MIA3: variants seen among roughly 807,000 people sequenced by gnomAD.
The protein encoded by MIA3 is transport and Golgi organization protein 1 homolog.
MIA3 carries 90 observed loss-of-function variants against 192.4 expected under a neutral mutation model. The ratio of observed to expected loss-of-function variants is 0.47; its 90% CI spans 0.39 to 0.56. The LOEUF (loss-of-function observed/expected upper bound fraction) is 0.56, where lower values mean the gene tolerates loss of function less well. Ranked by LOEUF, MIA3 falls within the 20% of genes least tolerant of loss-of-function variation. The probability of loss-of-function intolerance (pLI) is 0.00; values close to 1 mark genes in which losing one functional copy is unlikely to be tolerated. For synonymous variants in MIA3, 740 were observed against 792.8 expected (o/e 0.93, Z 1.12); for missense variants, 2,123 against 2,269.4 (o/e 0.94, Z 1.31).
intron 6 of MIA3, among the ~76,000 whole-genome samples, chr1:222,645,036 G>A (rs1029256723): frequency 6.6e-6 from 1 of 152,172 alleles, no homozygotes; most frequent in Non-Finnish European, 1.5e-5. Flanking sequence ...GTTATCAGGA[G>A]CTATCCGAAC....
intron 7 of MIA3, among the ~76,000 whole-genome samples, chr1:222,647,689 T>C (rs539391955): frequency 9.9e-5 from 15 of 152,142 alleles, no homozygotes; most frequent in Non-Finnish European, 2.1e-4. Context: ...TTTCAGAAAG[T>C]TATATAGGCT....
At position 222,654,658 on chromosome 1, in the gene MIA3, A is replaced by G. The variant is rs747125718; in HGVS notation, c.4472A>G (p.Gln1491Arg). The G allele has an allele frequency of 8.7e-6, 14 of 1,613,840 alleles. No individual in the cohort carries two copies. In the East Asian group the frequency reaches 2.7e-4, roughly 31 times the overall value. ...SVSTKCNLEDQVKKLEDDRNS... is the reference protein window; with the variant it reads ...SVSTKCNLEDRVKKLEDDRNS... ...TCAAATGTTTTATCCTTTACAGACCAGGTAAAGAAATTGGAAGATGACCGC... is the reference window on the plus strand; with the variant it reads ...TCAAATGTTTTATCCTTTACAGACCGGGTAAAGAAATTGGAAGATGACCGC... Residue 1491 changes from glutamine to arginine, a missense_variant, in exon 18 of 28, where the codon CAG becomes CGG. Physicochemically the swap from Gln to Arg is conservative, Grantham distance 43. Coordinates refer to ENST00000344922, the MANE Select transcript of MIA3 (RefSeq NM_198551.4).
chr1:222,653,002 T>A lies in MIA3; in HGVS notation c.4087-6T>A, dbSNP rs1356522517. On this transcript the variant is annotated splice_polypyrimidine_tract_variant and splice_region_variant and intron_variant, in intron 13 of 27. Transcript: ENST00000344922. ...CCTGTGGGAATCATGTGTTTTAACT[T>A]TGCAGTTGCAGCAGGAAATCGAAGA... 6.2e-7 allele frequency: 1 copy of A among 1,608,806 alleles called. No homozygotes were observed. Among genetic ancestry groups the A allele is most frequent in the Admixed American group, 1.7e-5 (1 of 59,784 alleles).
At chr1:222,648,420 T>A (rs1048378661) in intron 7 of MIA3, among the ~76,000 whole-genome samples, 5 of 152,222 alleles carry the variant, frequency 3.3e-5, no homozygotes, top group African/African-American at 1.2e-4. Flanking sequence ...TTTTGAGTAG[T>A]CGTTGTTTTT....
intron 6 of MIA3, among the ~76,000 whole-genome samples, chr1:222,637,931 C>T (rs1662701184): frequency 6.6e-6 from 1 of 152,152 alleles, no homozygotes; most frequent in Non-Finnish European, 1.5e-5. Flanking sequence ...ATTTGCCTGC[C>T]TCAGCCTCCC....
chr1:222,629,592 CAAGT>C lies in MIA3; in HGVS notation c.2373_2376del (p.Ser792ArgfsTer42). 3 of 1,613,974 alleles carry C rather than the reference CAAGT, an allele frequency of 1.9e-6. No homozygotes were observed. Among genetic ancestry groups the C allele is most frequent in the Non-Finnish European group, 2.5e-6 (3 of 1,179,966 alleles). ...AGTATGATTTTGGATAGCGAAAAAA[CAAGT>C]GAGACTGCTGCCAAAGGGGTCAACA... On this transcript the variant is annotated frameshift_variant, in exon 4 of 28. Transcript: ENST00000344922. LOFTEE classifies it high-confidence loss of function.
Position 222,659,891 on chromosome 1 carries a change from TTCTC to T in MIA3, c.4875-13_4875-10del. The T allele has an allele frequency of 6.2e-7, 1 of 1,603,262 alleles. No homozygotes were observed. The highest frequency in any genetic ancestry group is 8.5e-7 in the Non-Finnish European group (1 of 1,171,748). The stretch of plus-strand genomic sequence containing the variant: ...TATTTAACTCTTTCTTAAATATTCT[TTCTC>T]TATATTCAAGATTATTAGAATTAAC... On this transcript the variant is annotated splice_polypyrimidine_tract_variant and intron_variant, in intron 22 of 27. Coordinates refer to ENST00000344922, the MANE Select transcript of MIA3 (RefSeq NM_198551.4).
intron 4 of MIA3, among the ~76,000 whole-genome samples, chr1:222,630,602 T>C (rs547692399): frequency 1.2e-4 from 19 of 152,352 alleles, no homozygotes; most frequent in Non-Finnish European, 2.5e-4. Flanking sequence ...TAGTTGAGAC[T>C]GGTTAGCATT....
At chr1:222,626,636 T>C (rs182652487) in intron 3 of MIA3, among the ~76,000 whole-genome samples, 15 of 152,360 alleles carry the variant, frequency 9.8e-5, no homozygotes, top group Admixed American at 7.8e-4. Flanking sequence ...AGTGACTGGC[T>C]AGAATCCTTA....
rs761603506 is a variant in MIA3, at chr1:222,628,400, G to A, written c.1180G>A (p.Gly394Ser). 2.5e-6 allele frequency: 4 copies of A among 1,613,750 alleles called. No individual in the cohort carries two copies. In the South Asian group the frequency reaches 4.4e-5, roughly 18 times the overall value. ...CACTATCTTCTCTATTGTCACAGGA[G>A]GTGAAGAAACAAGAGATACGATGGA... ...GDTIFSIVTGGEETRDTMDLE... is the reference protein window; with the variant it reads ...GDTIFSIVTGSEETRDTMDLE... The change falls in exon 4 of 28, where the codon GGT (glycine) becomes AGT (serine). Residue 394 changes from glycine to serine, a missense_variant. Coordinates refer to ENST00000344922, the MANE Select transcript of MIA3 (RefSeq NM_198551.4).
Position 222,652,010 on chromosome 1 carries a change from A to C in MIA3, c.3943A>C (p.Lys1315Gln), listed in dbSNP as rs1178663661. The change falls in exon 12 of 28, where the codon AAG (lysine) becomes CAG (glutamine). Residue 1315 changes from lysine to glutamine, a missense_variant. Transcript: ENST00000344922. Reference sequence around the variant, plus strand: ...AAACAAGAAATCTATAGAGAAGTTAAAGGATGTTATTTCAATGAATGCCTC... The same window carrying C: ...AAACAAGAAATCTATAGAGAAGTTACAGGATGTTATTTCAATGAATGCCTC... The part of the protein sequence containing the change: ...SENKKSIEKL[K>Q]DVISMNASEF... The C allele has an allele frequency of 6.3e-7, 1 of 1,580,696 alleles. No individual in the cohort carries two copies. Among genetic ancestry groups the C allele is most frequent in the Admixed American group, 1.7e-5 (1 of 59,858 alleles).
At chr1:222,647,715 T>A (rs1663217346) in intron 7 of MIA3, among the ~76,000 whole-genome samples, 1 of 152,214 alleles carries the variant, frequency 6.6e-6, no homozygotes. Context: ...TCCTAACTGC[T>A]GTTCCTCAGC....
rs528596028 is a variant in MIA3, at chr1:222,622,672, T to C, written c.267+1380T>C. On this transcript the variant is annotated intron_variant, in intron 2 of 27. Coordinates refer to ENST00000344922, the MANE Select transcript of MIA3 (RefSeq NM_198551.4). The stretch of plus-strand genomic sequence containing the variant: ...TCTACCTAATGAGATTTGTTGATAA[T>C]CTTTACTCTTGGAAATGTTTTTCCA... 2.6e-5 allele frequency among the ~76,000 whole-genome samples: 4 copies of C among 152,334 alleles called. No individual in the cohort carries two copies. In the East Asian group the frequency reaches 7.7e-4, roughly 29 times the overall value.
Position 222,628,482 on chromosome 1 carries a change from C to G in MIA3, c.1262C>G (p.Pro421Arg). Reference protein sequence around the residue: ...EKEDDDDALVPDSKQGKPQSA... With the variant: ...EKEDDDDALVRDSKQGKPQSA... ...GAAGATGATGATGATGCATTAGTCCCAGATAGCAAACAGGGGAAACCACAG... is the reference window on the plus strand; with the variant it reads ...GAAGATGATGATGATGCATTAGTCCGAGATAGCAAACAGGGGAAACCACAG... The change falls in exon 4 of 28, where the codon CCA becomes CGA. Residue 421 changes from proline to arginine, a missense_variant. Around this residue, in one of 3 missense-constraint regions of MIA3, gnomAD observed 1,357 missense variants for 1,396.1 expected, o/e 0.97. Coordinates refer to ENST00000344922, the MANE Select transcript of MIA3 (RefSeq NM_198551.4). The G allele has an allele frequency of 6.2e-7, 1 of 1,613,404 alleles. No homozygotes were observed. Among genetic ancestry groups the G allele is most frequent in the Non-Finnish European group, 8.5e-7 (1 of 1,179,822 alleles).
At position 222,628,819 on chromosome 1, in the gene MIA3, T is replaced by C. The variant is rs751560722; in HGVS notation, c.1599T>C (p.Ile533=). The C allele has an allele frequency of 5.6e-5, 91 of 1,614,040 alleles. No homozygotes were observed. Among genetic ancestry groups the C allele is most frequent in the Non-Finnish European group, 7.5e-5 (88 of 1,180,044 alleles). The change falls in exon 4 of 28, where the codon ATT becomes ATC. Residue 533 remains isoleucine (I), a synonymous_variant. Coordinates refer to ENST00000344922, the MANE Select transcript of MIA3 (RefSeq NM_198551.4). The stretch of plus-strand genomic sequence containing the variant: ...AAAATGACCTAAAAGGAGCAGCTAT[T>C]CATATCTCAAAAGGAATGCTCCACG... ...DTENDLKGAA[I]HISKGMLHEE... is the part of the protein sequence containing the mutation.
intron 24 of MIA3, 128 bp downstream of exon 24, chr1:222,660,442 C>A: frequency 1.2e-6 from 1 of 817,224 alleles, no homozygotes; most frequent in Non-Finnish European, 1.8e-6. Flanking sequence ...CTTAATTTGT[C>A]TTGGTGGATT....
chr1:222,651,006 T>C (rs1053279765), intron 11 of MIA3, 103 bp downstream of exon 11: 2 of 684,196 alleles, frequency 2.9e-6, no homozygotes, highest in African/African-American at 3.7e-5. Flanking sequence ...GAAGTAAGAG[T>C]GCGAGTCAGG....
chr1:222,628,630 A>G lies in MIA3; in HGVS notation c.1410A>G (p.Gly470=). Reference sequence around the variant, plus strand: ...ATCACATTAAAGGAAAAGGGAGGGGAGTTCAGGAATCCAAGAGGGGCCTGG... The same window carrying G: ...ATCACATTAAAGGAAAAGGGAGGGGGGTTCAGGAATCCAAGAGGGGCCTGG... ...AEHHIKGKGR[G]VQESKRGLVQ... Residue 470 remains glycine, a synonymous_variant, in exon 4 of 28, where the codon GGA becomes GGG. Transcript: ENST00000344922. 6.2e-7 allele frequency: 1 copy of G among 1,613,992 alleles called. No individual in the cohort carries two copies. Among genetic ancestry groups the G allele is most frequent in the South Asian group, 1.1e-5 (1 of 91,040 alleles).
intron 6 of MIA3, among the ~76,000 whole-genome samples, chr1:222,637,676 CAAG>C (rs1180117438): frequency 7.3e-4 from 101 of 138,774 alleles, no homozygotes; most frequent in Non-Finnish European, 1.5e-3. Context: ...TCTATCCAAT[CAAG>C]AATAATTTTT....
Sources: gnomAD v4.1 joint callset for allele counts (sites outside exome capture counted in the v4.1 genomes callset) on GRCh38, gnomAD v4.1.1 for gene constraint, gnomAD v4.1.1 regional missense constraint, MANE v1.5 for transcripts, NCBI Gene and HGNC (gene_info 2026-07-23, HGNC 2026-07-21) for gene names.